ITGA2B: variants seen among roughly 807,000 people sequenced by gnomAD.
ITGA2B encodes the protein integrin alpha-IIb.
In ITGA2B, 91 loss-of-function variants were observed where a neutral mutation model predicts 142.0. That is an observed-to-expected ratio of 0.64 (90% CI 0.54 to 0.76). The LOEUF (loss-of-function observed/expected upper bound fraction) is 0.76. Among genes scored for constraint, ITGA2B ranks in the 30% least tolerant of loss-of-function variants. The probability of loss-of-function intolerance (pLI) is 0.00; values close to 1 mark genes in which losing one functional copy is unlikely to be tolerated. For synonymous variants in ITGA2B, 536 were observed against 567.2 expected (o/e 0.94, Z 0.78); for missense variants, 1,231 against 1,350.8 (o/e 0.91, Z 1.39).
intron 1 of ITGA2B, among the ~76,000 whole-genome samples, chr17:44,386,523 C>T (rs1283740498): frequency 6.6e-6 from 1 of 152,178 alleles, no homozygotes; most frequent in Non-Finnish European, 1.5e-5. Flanking sequence ...TACCAGATCC[C>T]CTCTTGAGAG....
chr17:44,373,893 G>C (rs1296717198), intron 29 of ITGA2B: 1 of 211,910 alleles, frequency 4.7e-6, no homozygotes, highest in African/African-American at 2.4e-5. Context: ...CTCTACTAGA[G>C]AAAGACATTC....
intron 1 of ITGA2B, among the ~76,000 whole-genome samples, chr17:44,387,826 CAAAAAAAA>C (rs980395817): frequency 0.016 from 388 of 24,578 alleles, 1 homozygote; most frequent in South Asian, 0.13. Flanking sequence ...AACCCCATCT[CAAAAAAAA>C]AAAAAAAAAA....
intron 29 of ITGA2B, among the ~76,000 whole-genome samples, chr17:44,373,476 G>A (rs574939209): frequency 1.9e-4 from 29 of 152,256 alleles, no homozygotes; most frequent in African/African-American, 6.3e-4. Context: ...TGCATGACTC[G>A]AGCATATGAT....
chr17:44,385,414 G>C (rs2048637290), intron 4 of ITGA2B, 79 bp from the exon 5 acceptor site: 2 of 1,551,234 alleles, frequency 1.3e-6, no homozygotes, highest in African/African-American at 1.4e-5. Flanking sequence ...TGGGGGACAG[G>C]GGCGGGGCCT....
chr17:44,377,804 G>T lies in ITGA2B; in HGVS notation c.2095-14C>A. The T allele has an allele frequency of 6.6e-7, 1 of 1,512,226 alleles. No individual in the cohort carries two copies. Among genetic ancestry groups the T allele is most frequent in the Non-Finnish European group, 9.0e-7 (1 of 1,109,712 alleles). 93.7% of individuals were successfully genotyped at this position (1,512,226 alleles called of 1,614,324 possible). ...TCTCTCAAAGCCCTTCAGGAAGGCA[G>T]TTCCAAGAAAGAAATTACAGAGCAT... is the stretch of plus-strand genomic sequence containing the variant. On this transcript the variant is annotated splice_polypyrimidine_tract_variant and intron_variant, in intron 20 of 29. Coordinates refer to ENST00000262407, the MANE Select transcript of ITGA2B (RefSeq NM_000419.5).
At chr17:44,375,192 A>C in intron 26 of ITGA2B, 81 bp from the exon 27 acceptor site, 69 of 1,151,900 alleles carry the variant, frequency 6.0e-5, no homozygotes, top group Non-Finnish European at 8.0e-5. Context: ...CCAGGACCCA[A>C]CGCAGAAGGG....
At chr17:44,385,358 G>A (rs1198591005) in intron 4 of ITGA2B, 23 bp from the exon 5 acceptor site, 1 of 1,605,034 alleles carries the variant, frequency 6.2e-7, no homozygotes, top group Non-Finnish European at 8.5e-7. Flanking sequence ...AGGAGGAGGG[G>A]TCAGCGCAGG....
In ITGA2B at chr17:44,381,027, A is replaced by C. The variant is rs940348946; in HGVS notation, c.1245T>G (p.Ser415Arg). ...GGAACACCAGCACTTGGCCCCGGCC[A>C]CTGGGACCCCCGTAGGGGGCAGCCA... ...IAVAAPYGGP[S>R]GRGQVLVFLG... The change falls in exon 13 of 30, where the codon AGT (serine) becomes AGG (arginine). Residue 415 changes from serine (S) to arginine (R), a missense_variant. Around this residue, in one of 3 missense-constraint regions of ITGA2B, gnomAD observed 908 missense variants for 1,021.1 expected, o/e 0.89. Transcript: ENST00000262407. 4.0e-5 allele frequency: 65 copies of C among 1,613,364 alleles called. No individual in the cohort carries two copies. Among genetic ancestry groups the C allele is most frequent in the Non-Finnish European group, 5.4e-5 (64 of 1,179,672 alleles).
At chr17:44,375,318 C>T (rs2048531249) in intron 26 of ITGA2B, 1 of 645,538 alleles carries the variant, frequency 1.5e-6, no homozygotes, top group Non-Finnish European at 2.8e-6. Context: ...GGAGGGTCAT[C>T]CCCCAGCGCA....
At chr17:44,376,831 T>C (rs751204471) in intron 22 of ITGA2B, among the ~76,000 whole-genome samples, 178 bp downstream of exon 22, 13 of 152,062 alleles carry the variant, frequency 8.5e-5, no homozygotes, top group Non-Finnish European at 1.3e-4. Flanking sequence ...CAGGCTGGTC[T>C]CCAACTCCTG....
chr17:44,375,097 C>T lies in ITGA2B; in HGVS notation c.2742G>A (p.Ala914=). ...GGTCACACTGCACCACAGTACAGGG[C>T]GCCGAGTCGCAGCTCTGAGGGGAAG... ...QDPVLVSCDS[A]PCTVVQCDLQ... The change falls in exon 27 of 30, where the codon GCG becomes GCA. Residue 914 remains alanine (A), a synonymous_variant. Coordinates refer to ENST00000262407, the MANE Select transcript of ITGA2B (RefSeq NM_000419.5). 4 of 1,549,080 alleles carry T rather than the reference C, an allele frequency of 2.6e-6. No individual in the cohort carries two copies. The highest frequency in any genetic ancestry group is 3.5e-6 in the Non-Finnish European group (4 of 1,146,920).
chr17:44,382,311 T>C (rs983572794), intron 12 of ITGA2B, among the ~76,000 whole-genome samples: 2 of 152,088 alleles, frequency 1.3e-5, no homozygotes, highest in Admixed American at 6.5e-5. Context: ...TTTTTTTTTT[T>C]CCTTTCTATT....
In ITGA2B at chr17:44,375,920, G is replaced by A; in HGVS notation, c.2514C>T (p.Ser838=). The stretch of plus-strand genomic sequence containing the variant: ...GGATGTAGAGCAGGTCGGAGGGCTG[G>A]GACTGTCCCGGAAGGTGGATGCTGA... The part of the protein sequence containing the change: ...LHLSIHLPGQ[S]QPSDLLYILD... The change falls in exon 25 of 30, where the codon TCC becomes TCT. Residue 838 remains serine, a synonymous_variant. Coordinates refer to ENST00000262407, the MANE Select transcript of ITGA2B (RefSeq NM_000419.5). 1 of 1,613,742 alleles carries A rather than the reference G, an allele frequency of 6.2e-7. No individual in the cohort carries two copies. The highest frequency in any genetic ancestry group is 8.5e-7 in the Non-Finnish European group (1 of 1,179,944).
chr17:44,377,429 C>T (rs1279686925), intron 21 of ITGA2B, among the ~76,000 whole-genome samples: 1 of 151,916 alleles, frequency 6.6e-6, no homozygotes, highest in Non-Finnish European at 1.5e-5. Context: ...CTCCTGACCT[C>T]GTGATCCACC....
At chr17:44,385,790 G>A in intron 3 of ITGA2B, 34 bp downstream of exon 3, 13 of 1,609,342 alleles carry the variant, frequency 8.1e-6, no homozygotes, top group Non-Finnish European at 1.1e-5. Flanking sequence ...CCCTGCCCCC[G>A]ATTGTTCCCT....
At chr17:44,387,825 T>TAA (rs1418767382) in intron 1 of ITGA2B, among the ~76,000 whole-genome samples, 1 of 12,772 alleles carries the variant, frequency 7.8e-5, no homozygotes, top group Admixed American at 1.2e-3. Context: ...AAACCCCATC[T>TAA]CAAAAAAAAA....
chr17:44,378,072 G>A (rs1376912900), intron 20 of ITGA2B, among the ~76,000 whole-genome samples: 1 of 151,928 alleles, frequency 6.6e-6, no homozygotes, highest in East Asian at 1.9e-4. Flanking sequence ...ACTTATGTGA[G>A]TGTGAGTCAA....
At chr17:44,375,487 G>T in intron 26 of ITGA2B, 104 bp downstream of exon 26, 1 of 1,404,642 alleles carries the variant, frequency 7.1e-7, no homozygotes, top group Non-Finnish European at 9.8e-7. Flanking sequence ...ACCAAGCGTG[G>T]CCCACAGAGG....
chr17:44,374,724 ATGCG>A lies in ITGA2B; in HGVS notation c.2874_2877del (p.Ala959GlyfsTer?). 1 of 1,614,066 alleles carries A rather than the reference ATGCG, an allele frequency of 6.2e-7. No homozygotes were observed. The highest frequency in any genetic ancestry group is 8.5e-7 in the Non-Finnish European group (1 of 1,180,000). On this transcript the variant is annotated frameshift_variant, in exon 28 of 30. Transcript: ENST00000262407. LOFTEE classifies it high-confidence loss of function. ...TAGGGGAGGGAGGACACGTTGAACC[ATGCG>A]TGCGACTGCAGCACAAACTGATCCA...
Sources: gnomAD v4.1 joint callset for allele counts (sites outside exome capture counted in the v4.1 genomes callset) on GRCh38, gnomAD v4.1.1 for gene constraint, gnomAD v4.1.1 regional missense constraint, MANE v1.5 for transcripts, NCBI Gene and HGNC (gene_info 2026-07-23, HGNC 2026-07-21) for gene names.